Variants in WDR33 observed in about 807,000 individuals in gnomAD.
WDR33 encodes the protein WD repeat domain 33, also known as pre-mRNA 3' end processing protein WDR33.
In WDR33, 47 loss-of-function variants were observed where a neutral mutation model predicts 164.9. The ratio of observed to expected loss-of-function variants is 0.29; its 90% CI spans 0.23 to 0.36. The LOEUF is 0.36. WDR33 is among the 10% of genes least tolerant of loss of function. The pLI is 1.00. For missense variants in WDR33, 1,137 were observed against 1,754.1 expected (o/e 0.65, Z 6.28); for synonymous variants, 505 against 589.0 (o/e 0.86, Z 2.06).
intron 7 of WDR33, among the ~76,000 whole-genome samples, chr2:127,755,295 C>T (rs2105422090): frequency 6.6e-6 from 1 of 152,244 alleles, no homozygotes; most frequent in East Asian, 1.9e-4. Context: ...TTAATATAAA[C>T]TGTTAAATAG....
rs578054247 is a variant in WDR33 at position 127,720,493 on chromosome 2, G to C, written c.1672-140C>G. 4.4e-5 allele frequency: 46 copies of C among 1,053,334 alleles called. No individual in the cohort carries two copies. The African/African-American group carries it at 6.0e-4, about 14-fold the overall frequency. The allele number at this position is 1,053,334 out of a possible 1,614,324, so 65.2% of individuals were successfully genotyped here. The stretch of plus-strand genomic sequence containing the variant: ...ACTCTTCACGCTCCAGTGGTAATTA[G>C]AGTCCATGCAACACTCAAGCACTGT... On this transcript the variant is annotated intron_variant, in intron 15 of 21. Coordinates refer to ENST00000322313, the MANE Select transcript of WDR33 (RefSeq NM_018383.5). This position sits in a 1 kb window ranked among gnomAD's most constrained non-coding sequence, Gnocchi z 5.9.
intron 18 of WDR33, among the ~76,000 whole-genome samples, chr2:127,711,542 T>C (rs1686162046): frequency 6.6e-6 from 1 of 150,938 alleles, no homozygotes; most frequent in Non-Finnish European, 1.5e-5. Context: ...AAAAGCCATG[T>C]CAAAGGTAAT....
Position 127,781,006 on chromosome 2 carries a change from G to A in WDR33, c.-23-10002C>T, listed in dbSNP as rs545868123. 1.8e-3 allele frequency among the ~76,000 whole-genome samples: 277 copies of A among 152,010 alleles called. 3 individuals carry two copies. Among genetic ancestry groups the A allele is most frequent in the African/African-American group, 6.4e-3 (267 of 41,464 alleles). On this transcript the variant is annotated intron_variant, in intron 1 of 21. Coordinates refer to ENST00000322313, the MANE Select transcript of WDR33 (RefSeq NM_018383.5). ...CTCCCAAGTAGCTGGGACTACAAGC[G>A]TGCCCCACCACACCCGGCTAATTTT...
rs140720283 is a variant in WDR33 at position 127,718,395 on chromosome 2, C to A, written c.2760+870G>T. Among the ~76,000 whole-genome samples the A allele has an allele frequency of 6.6e-6, 1 of 152,012 alleles. No homozygotes were observed. The highest frequency in any genetic ancestry group is 1.5e-5 in the Non-Finnish European group (1 of 68,002). On this transcript the variant is annotated intron_variant, in intron 16 of 21. Transcript: ENST00000322313. The surrounding 1 kb of genome is among the most constrained non-coding windows in gnomAD (Gnocchi z 4.4). ...CAGGGACAAAACTCAGTTATTCATA[C>A]CCAAATAATGCCTCCAGACTAAGAA...
intron 7 of WDR33, among the ~76,000 whole-genome samples, chr2:127,748,963 T>A (rs752446215): frequency 5.4e-4 from 79 of 145,578 alleles, no homozygotes; most frequent in Non-Finnish European, 9.9e-4. Flanking sequence ...GAGAAGAAAA[T>A]AAAGCAAGAT....
In WDR33 at chr2:127,768,279, T is replaced by C. The variant is rs768088381; in HGVS notation, c.288A>G (p.Ile96Met). 34 of 1,567,600 alleles carry C rather than the reference T, an allele frequency of 2.2e-5. No individual in the cohort carries two copies. The South Asian group carries it at 3.9e-4, about 18-fold the overall frequency. The change falls in exon 4 of 22, where the codon ATA becomes ATG. Residue 96 changes from isoleucine to methionine, a missense_variant. Around this residue, in one of 9 missense-constraint regions of WDR33, gnomAD observed 55 missense variants for 84.6 expected, o/e 0.65. Transcript: ENST00000322313. ...CATTCATAGGATTATTCAACATTCC[T>C]ATAGGTGGGACCAGCTACAAAAAAG... ...AGYYNDLVPPIGMLNNPMNAV... is the reference protein window; with the variant it reads ...AGYYNDLVPPMGMLNNPMNAV...
intron 1 of WDR33, among the ~76,000 whole-genome samples, chr2:127,805,671 A>T (rs1368932368): frequency 2.0e-5 from 3 of 152,110 alleles, no homozygotes; most frequent in African/African-American, 7.2e-5. Flanking sequence ...CAGGCCAAGA[A>T]GATGAATAAG....
chr2:127,772,614 C>T lies in WDR33; in HGVS notation c.-23-1610G>A, dbSNP rs372660415. Among the ~76,000 whole-genome samples the T allele has an allele frequency of 3.9e-5, 6 of 151,916 alleles. No homozygotes were observed. In the East Asian group the frequency reaches 9.7e-4, roughly 24 times the overall value. ...TACCTTATTTCATATCTATAATGAA[C>T]AAAAAAAGTACGTATGCCCAAATTT... On this transcript the variant is annotated intron_variant, in intron 1 of 21. Transcript: ENST00000322313.
At chr2:127,784,108 C>G (rs1688474168) in intron 1 of WDR33, among the ~76,000 whole-genome samples, 1 of 152,022 alleles carries the variant, frequency 6.6e-6, no homozygotes, top group African/African-American at 2.4e-5. Context: ...TTCTGCTTAT[C>G]TTTTTAGTAT....
intron 1 of WDR33, among the ~76,000 whole-genome samples, chr2:127,802,612 T>C (rs533599157): frequency 3.3e-5 from 5 of 152,182 alleles, no homozygotes; most frequent in Admixed American, 6.6e-5. Flanking sequence ...TTTAATTTTA[T>C]TCCTTCTTGG....
At chr2:127,759,949 T>C (rs1020790347) in intron 7 of WDR33, among the ~76,000 whole-genome samples, 2 of 152,144 alleles carry the variant, frequency 1.3e-5, no homozygotes, top group African/African-American at 4.8e-5. Context: ...CACTGTATGC[T>C]TAAAGCTGAA....
chr2:127,717,303 G>C lies in WDR33; in HGVS notation c.2761-40C>G, dbSNP rs755372457. The stretch of plus-strand genomic sequence containing the variant: ...TTAAAGTAAGGGTATGAAATCACAG[G>C]CTTGAGCTACATAAATAGTGATTGC... On this transcript the variant is annotated intron_variant, in intron 16 of 21. Coordinates refer to ENST00000322313, the MANE Select transcript of WDR33 (RefSeq NM_018383.5). The surrounding 1 kb of genome is among the most constrained non-coding windows in gnomAD (Gnocchi z 5.6). The C allele has an allele frequency of 2.0e-6, 3 of 1,485,358 alleles. No homozygotes were observed. Among genetic ancestry groups the C allele is most frequent in the Non-Finnish European group, 2.7e-6 (3 of 1,110,376 alleles). The allele number at this position is 1,485,358 out of a possible 1,614,324, so 92.0% of individuals were successfully genotyped here.
In WDR33 at chr2:127,701,864, G is replaced by A; in HGVS notation, c.*4459C>T. 6.8e-7 allele frequency: 1 copy of A among 1,460,786 alleles called. No individual in the cohort carries two copies. Among genetic ancestry groups the A allele is most frequent in the Non-Finnish European group, 9.0e-7 (1 of 1,111,790 alleles). The allele number at this position is 1,460,786 out of a possible 1,614,324, so 90.5% of individuals were successfully genotyped here. A position where few individuals can be genotyped will look rare whatever the true frequency, so the allele number is the denominator to read the frequency against. ...GCGCGCGCAAGTTCGCGCTGCTCTG[G>A]TCACTGGGCTCGGCGCTGGCGTTGG... is the stretch of plus-strand genomic sequence containing the variant. On this transcript the variant is annotated 3_prime_UTR_variant, in exon 22 of 22. Coordinates refer to ENST00000322313, the MANE Select transcript of WDR33 (RefSeq NM_018383.5).
In WDR33 at chr2:127,709,928, G is replaced by A; in HGVS notation, c.3309-72C>T. 1.3e-6 allele frequency: 2 copies of A among 1,533,648 alleles called. No individual in the cohort carries two copies. Among genetic ancestry groups the A allele is most frequent in the Non-Finnish European group, 1.8e-6 (2 of 1,132,228 alleles). ...CACTCTAAGTTCATGTTTCAAAGAA[G>A]CATATGATATGAGAAAGCATGATAC... On this transcript the variant is annotated intron_variant, in intron 18 of 21. Coordinates refer to ENST00000322313, the MANE Select transcript of WDR33 (RefSeq NM_018383.5). The surrounding 1 kb of genome is among the most constrained non-coding windows in gnomAD (Gnocchi z 5.0).
chr2:127,771,144 A>T, intron 1 of WDR33, 140 bp from the exon 2 acceptor site: 1 of 686,612 alleles, frequency 1.5e-6, no homozygotes, highest in Non-Finnish European at 2.4e-6. Flanking sequence ...AACTACAGTC[A>T]TGAGTCACTT....
chr2:127,758,781 G>C (rs1367054060), intron 7 of WDR33, among the ~76,000 whole-genome samples: 6 of 152,200 alleles, frequency 3.9e-5, no homozygotes, highest in Non-Finnish European at 8.8e-5. Flanking sequence ...TACACTTCTA[G>C]CACTCACACA....
In WDR33 at chr2:127,713,958, C is replaced by A. The variant is rs1472003161; in HGVS notation, c.2933G>T (p.Ser978Ile). The change falls in exon 18 of 22, where the codon AGC becomes ATC. Residue 978 changes from serine (S) to isoleucine (I), a missense_variant. By Grantham distance (142) the Ser-to-Ile change is moderately radical (BLOSUM62 -2). This residue lies in a region of WDR33 where 867 missense variants were observed against 1,073.0 expected (regional missense o/e 0.81). Transcript: ENST00000322313. The surrounding 1 kb of genome is among the most constrained non-coding windows in gnomAD (Gnocchi z 6.2). The stretch of plus-strand genomic sequence containing the variant: ...CTCGGGCCCATGCTCAGGCCCGCCG[C>A]TCTGCTCATGCCGCCTCTCTGACAT... ...GPMSERRHEQSGGPEHGPERG... is the reference protein window; with the variant it reads ...GPMSERRHEQIGGPEHGPERG... The A allele has an allele frequency of 6.3e-7, 1 of 1,582,914 alleles. No individual in the cohort carries two copies. The highest frequency in any genetic ancestry group is 8.6e-7 in the Non-Finnish European group (1 of 1,165,258).
intron 1 of WDR33, among the ~76,000 whole-genome samples, chr2:127,801,675 G>A (rs2104680577): frequency 6.6e-6 from 1 of 152,264 alleles, no homozygotes; most frequent in South Asian, 2.1e-4. Flanking sequence ...TTGAGGTTAG[G>A]AGTTCAAGAC....
In WDR33 at chr2:127,710,523, C is replaced by G. The variant is rs978772401; in HGVS notation, c.3309-667G>C. Among the ~76,000 whole-genome samples the G allele has an allele frequency of 1.3e-5, 2 of 152,198 alleles. No individual in the cohort carries two copies. The highest frequency in any genetic ancestry group is 4.8e-5 in the African/African-American group (2 of 41,448). On this transcript the variant is annotated intron_variant, in intron 18 of 21. Transcript: ENST00000322313. The surrounding 1 kb of genome is among the most constrained non-coding windows in gnomAD (Gnocchi z 4.4). ...AGCTGATGGGCACACAGGTCAGCATCTGGTTTACAGGCAGCGATCCACTGG... is the reference window on the plus strand; with the variant it reads ...AGCTGATGGGCACACAGGTCAGCATGTGGTTTACAGGCAGCGATCCACTGG...
Sources: allele counts gnomAD v4.1 joint callset (sites outside exome capture counted in the v4.1 genomes callset), GRCh38; gene constraint gnomAD v4.1.1; regional missense constraint gnomAD v4.1.1; non-coding constraint Gnocchi (gnomAD v3.1); transcripts MANE v1.5; gene names NCBI Gene and HGNC (gene_info 2026-07-23, HGNC 2026-07-21).